Variants in ZBTB20 observed in about 807,000 individuals in gnomAD.
The protein encoded by ZBTB20 is zinc finger and BTB domain containing 20.
In ZBTB20, 9 loss-of-function variants were observed where a neutral mutation model predicts 56.9. The observed-to-expected ratio is 0.16, with a 90% CI of 0.10 to 0.28. ZBTB20 has a LOEUF of 0.28. ZBTB20 is among the 10% of genes least tolerant of loss of function. ZBTB20 has a pLI of 1.00. For missense variants in ZBTB20, 655 were observed against 1,003.0 expected (o/e 0.65, Z 4.69); for synonymous variants, 417 against 420.7 (o/e 0.99, Z 0.11).
At chr3:114,603,060 T>C (rs1281744911) in intron 6 of ZBTB20, among the ~76,000 whole-genome samples, 2 of 152,136 alleles carry the variant, frequency 1.3e-5, no homozygotes, top group East Asian at 1.9e-4. Flanking sequence ...AAGTGCTGAA[T>C]TGAATAGAGT....
At chr3:115,065,073 C>T (rs539549660) in intron 2 of ZBTB20, among the ~76,000 whole-genome samples, 1 of 152,084 alleles carries the variant, frequency 6.6e-6, no homozygotes, top group Non-Finnish European at 1.5e-5. Flanking sequence ...TCCCATTAAT[C>T]AGATGTTCAG....
chr3:114,716,926 T>C (rs1296300290), intron 5 of ZBTB20, among the ~76,000 whole-genome samples: 1 of 151,176 alleles, frequency 6.6e-6, no homozygotes, highest in African/African-American at 2.4e-5. Flanking sequence ...TGAAAAAAAG[T>C]GGGGGGTATT....
At chr3:115,104,662 CA>C (rs2083672182) in intron 1 of ZBTB20, among the ~76,000 whole-genome samples, 2 of 152,082 alleles carry the variant, frequency 1.3e-5, no homozygotes, top group African/African-American at 4.8e-5. Context: ...TCTGAAAAGG[CA>C]AAACCATGGA....
At chr3:115,022,553 T>C (rs1053202750) in intron 2 of ZBTB20, among the ~76,000 whole-genome samples, 1 of 151,116 alleles carries the variant, frequency 6.6e-6, no homozygotes, top group African/African-American at 2.4e-5. Flanking sequence ...GCCAAGTTTA[T>C]TGCCATAGCA....
chr3:114,444,391 C>T (rs1212088637), intron 7 of ZBTB20, among the ~76,000 whole-genome samples: 2 of 152,120 alleles, frequency 1.3e-5, no homozygotes, highest in South Asian at 2.1e-4. Flanking sequence ...CCTCAGAATG[C>T]CTTATCCTCA....
intron 3 of ZBTB20, among the ~76,000 whole-genome samples, chr3:114,925,965 T>C (rs1349214104): frequency 5.3e-5 from 8 of 152,224 alleles, no homozygotes; most frequent in African/African-American, 1.9e-4. Context: ...TTGGCTAATC[T>C]CATATTGAAA....
chr3:114,871,979 T>C (rs191274486), intron 4 of ZBTB20, among the ~76,000 whole-genome samples: 1 of 152,192 alleles, frequency 6.6e-6, no homozygotes, highest in East Asian at 1.9e-4. Context: ...GCATGAGTCT[T>C]TTCATGATCT....
rs7642766 is a variant in ZBTB20, at chr3:114,986,397, C to T, written c.-506-11981G>A. Among the ~76,000 whole-genome samples the T allele has an allele frequency of 7.8e-3, 1,184 of 152,224 alleles. 19 individuals carry two copies. The highest frequency in any genetic ancestry group is 0.026 in the African/African-American group (1,099 of 41,546). ...GTTGAAGTTCAAAATATACATTCCCCTTAACCATGCTAATTCTGCATTCTA... is the reference window on the plus strand; with the variant it reads ...GTTGAAGTTCAAAATATACATTCCCTTTAACCATGCTAATTCTGCATTCTA... On this transcript the variant is annotated intron_variant, in intron 2 of 11. Coordinates refer to ENST00000675478, the MANE Select transcript of ZBTB20 (RefSeq NM_001348800.3).
Position 114,955,776 on chromosome 3 carries a change from C to G in ZBTB20, c.-456+18590G>C, listed in dbSNP as rs533976172. On this transcript the variant is annotated intron_variant, in intron 3 of 11. Coordinates refer to ENST00000675478, the MANE Select transcript of ZBTB20 (RefSeq NM_001348800.3). ...GTTCTTCTGGGTAAGGTTAAACCAA[C>G]AAACAAACAAACAAAAAAATGGAGG... 1.5e-3 allele frequency among the ~76,000 whole-genome samples: 229 copies of G among 152,066 alleles called. 1 individual carries two copies. The highest frequency in any genetic ancestry group is 5.3e-3 in the African/African-American group (218 of 41,518).
intron 10 of ZBTB20, among the ~76,000 whole-genome samples, chr3:114,371,515 T>C (rs1268757821): frequency 6.6e-6 from 1 of 152,214 alleles, no homozygotes; most frequent in African/African-American, 2.4e-5. Flanking sequence ...TGATCTTCTC[T>C]ACAAGACTCT....
intron 3 of ZBTB20, among the ~76,000 whole-genome samples, chr3:114,950,726 G>A (rs2077038030): frequency 6.6e-6 from 1 of 152,052 alleles, no homozygotes; most frequent in Non-Finnish European, 1.5e-5. Context: ...TATGCATGTG[G>A]CCACCACAAT....
At chr3:114,741,095 A>G (rs1436948932) in intron 5 of ZBTB20, among the ~76,000 whole-genome samples, 3 of 152,230 alleles carry the variant, frequency 2.0e-5, no homozygotes, top group African/African-American at 7.2e-5. Flanking sequence ...ACCATGGAAC[A>G]TGTTAAAATC....
chr3:114,460,338 T>C (rs2092273030), intron 7 of ZBTB20, among the ~76,000 whole-genome samples: 1 of 152,108 alleles, frequency 6.6e-6, no homozygotes, highest in Non-Finnish European at 1.5e-5. Context: ...AACCTTTGAA[T>C]GTTACCTTAC....
intron 7 of ZBTB20, among the ~76,000 whole-genome samples, chr3:114,406,372 A>G (rs1188851862): frequency 6.6e-6 from 1 of 152,204 alleles, no homozygotes; most frequent in Non-Finnish European, 1.5e-5. Context: ...TCAGGAAGAC[A>G]TGAAACATCA....
intron 6 of ZBTB20, among the ~76,000 whole-genome samples, chr3:114,535,515 A>G (rs1352710697): frequency 6.6e-6 from 1 of 152,216 alleles, no homozygotes; most frequent in Non-Finnish European, 1.5e-5. Context: ...TACCAACCAA[A>G]AAAAGCCCAG....
chr3:114,404,405 C>T (rs927802863), intron 7 of ZBTB20, among the ~76,000 whole-genome samples: 18 of 151,952 alleles, frequency 1.2e-4, no homozygotes, highest in African/African-American at 4.1e-4. Context: ...AAAACAAAAA[C>T]AAACAAATAA....
At chr3:114,972,211 G>A (rs1475181058) in intron 3 of ZBTB20, among the ~76,000 whole-genome samples, 1 of 152,140 alleles carries the variant, frequency 6.6e-6, no homozygotes, top group Non-Finnish European at 1.5e-5. Context: ...GTCATTACAT[G>A]AACAGATCAT....
intron 5 of ZBTB20, among the ~76,000 whole-genome samples, chr3:114,776,293 A>G (rs975245128): frequency 6.6e-6 from 1 of 152,128 alleles, no homozygotes; most frequent in Non-Finnish European, 1.5e-5. Flanking sequence ...GGTATAATTA[A>G]ATTAAGAATT....
intron 7 of ZBTB20, among the ~76,000 whole-genome samples, chr3:114,479,556 T>A (rs1176008942): frequency 6.6e-6 from 1 of 152,244 alleles, no homozygotes; most frequent in Admixed American, 6.5e-5. Context: ...ACAAGCTGTA[T>A]TTCCATATTT....
Sources: gnomAD v4.1 joint callset for allele counts (sites outside exome capture counted in the v4.1 genomes callset) on GRCh38, gnomAD v4.1.1 for gene constraint, MANE v1.5 for transcripts, NCBI Gene and HGNC (gene_info 2026-07-23, HGNC 2026-07-21) for gene names.